Variants in FHOD3 observed in about 807,000 individuals in gnomAD.
FHOD3 encodes FH1/FH2 domain-containing protein 3.
Under a neutral mutation model 173.0 loss-of-function variants are expected in FHOD3, and 90 were observed. That is an observed-to-expected ratio of 0.52 (90% CI 0.44 to 0.62). The LOEUF (loss-of-function observed/expected upper bound fraction) is 0.62. FHOD3 is among the 20% of genes least tolerant of loss of function. The probability of loss-of-function intolerance (pLI) is 0.00; values close to 1 mark genes in which losing one functional copy is unlikely to be tolerated. For missense variants in FHOD3, 1,945 were observed against 2,034.7 expected (o/e 0.96, Z 0.85); for synonymous variants, 828 against 823.0 (o/e 1.01, Z -0.10).
At chr18:36,495,556 C>T (rs1042534471) in intron 3 of FHOD3, among the ~76,000 whole-genome samples, 1 of 152,222 alleles carries the variant, frequency 6.6e-6, no homozygotes, top group African/African-American at 2.4e-5. Flanking sequence ...CCCCCTTCTG[C>T]ACCACATGTG....
chr18:36,512,288 C>T, intron 4 of FHOD3, 150 bp from the exon 5 acceptor site: 1 of 643,420 alleles, frequency 1.6e-6, no homozygotes, highest in Non-Finnish European at 2.8e-6. Context: ...ATTCTTTTGG[C>T]AACAGTTGAT....
At chr18:36,604,485 A>G (rs2031831039) in intron 8 of FHOD3, among the ~76,000 whole-genome samples, 1 of 152,216 alleles carries the variant, frequency 6.6e-6, no homozygotes, top group South Asian at 2.1e-4. Context: ...AACAGACCTC[A>G]GTGTATAGAA....
rs375517921 is a variant in FHOD3, at chr18:36,651,063, C to T, written c.1287-1507C>T. 1.2e-3 allele frequency among the ~76,000 whole-genome samples: 186 copies of T among 152,228 alleles called. 3 individuals are homozygous for T. In the South Asian group the frequency reaches 0.036, roughly 29 times the overall value. On this transcript the variant is annotated intron_variant, in intron 11 of 28. Transcript: ENST00000590592. ...GTTCTCTGGCGTAAACTTCTGAGAC[C>T]GTAAAGGATTTCCCCTTCCTTCTGT...
chr18:36,304,844 A>T (rs2092049478), intron 1 of FHOD3, among the ~76,000 whole-genome samples: 1 of 152,238 alleles, frequency 6.6e-6, no homozygotes, highest in Non-Finnish European at 1.5e-5. Context: ...TGATAACAAT[A>T]TATAAAGGCA....
chr18:36,390,401 T>C (rs2048242704), intron 3 of FHOD3, among the ~76,000 whole-genome samples: 1 of 152,162 alleles, frequency 6.6e-6, no homozygotes, highest in Non-Finnish European at 1.5e-5. Context: ...GAGTCTAAAA[T>C]AAAATGTGAC....
chr18:36,510,887 C>T (rs954374517), intron 4 of FHOD3, among the ~76,000 whole-genome samples: 2 of 152,162 alleles, frequency 1.3e-5, no homozygotes, highest in African/African-American at 2.4e-5. Flanking sequence ...CCCTTCCCCC[C>T]AGGTCAGCTC....
At chr18:36,418,241 A>G (rs2147024086) in intron 3 of FHOD3, among the ~76,000 whole-genome samples, 1 of 152,334 alleles carries the variant, frequency 6.6e-6, no homozygotes, top group African/African-American at 2.4e-5. Context: ...TGATCTGAGT[A>G]TAGATGTCCA....
rs10221358 is a variant in FHOD3, at chr18:36,509,566, A to G, written c.406-2872A>G. ...TTTAAGAAGAGTTCCTGTAGTTTAGAGATACATATTGGAATGTTTATGAAT... is the reference window on the plus strand; with the variant it reads ...TTTAAGAAGAGTTCCTGTAGTTTAGGGATACATATTGGAATGTTTATGAAT... On this transcript the variant is annotated intron_variant, in intron 4 of 28. Coordinates refer to ENST00000590592, the MANE Select transcript of FHOD3 (RefSeq NM_001281740.3). Among the ~76,000 whole-genome samples the G allele has an allele frequency of 7.5e-3, 1,143 of 152,242 alleles. 15 individuals are homozygous for G. The highest frequency in any genetic ancestry group is 0.026 in the African/African-American group (1,092 of 41,524).
At chr18:36,355,123 T>A (rs1347171599) in intron 1 of FHOD3, among the ~76,000 whole-genome samples, 1 of 152,224 alleles carries the variant, frequency 6.6e-6, no homozygotes, top group East Asian at 1.9e-4. Context: ...GGCTCCTCAC[T>A]GAATCAAAGG....
intron 1 of FHOD3, among the ~76,000 whole-genome samples, chr18:36,342,018 A>G (rs1440333746): frequency 6.6e-6 from 1 of 152,232 alleles, no homozygotes; most frequent in African/African-American, 2.4e-5. Context: ...AATTTTAACA[A>G]AACAAAATAG....
At chr18:36,380,563 T>TTTCC (rs1568196019) in intron 3 of FHOD3, among the ~76,000 whole-genome samples, 128 of 86,632 alleles carry the variant, frequency 1.5e-3, no homozygotes, top group Non-Finnish European at 1.9e-3. Context: ...TTTTCTTTTC[T>TTTCC]TTTCTTTTCT....
chr18:36,689,991 A>T (rs906956600), intron 16 of FHOD3, among the ~76,000 whole-genome samples: 5 of 152,108 alleles, frequency 3.3e-5, no homozygotes, highest in African/African-American at 9.7e-5. Context: ...GTCATCAGTA[A>T]GTAGGTCTAG....
chr18:36,362,588 G>T (rs1467964016), intron 2 of FHOD3, among the ~76,000 whole-genome samples: 4 of 152,164 alleles, frequency 2.6e-5, no homozygotes, highest in Non-Finnish European at 1.5e-5. Context: ...ATTCCTTGGA[G>T]GGAGCTACAG....
At chr18:36,705,759 C>T (rs2149629240) in intron 17 of FHOD3, among the ~76,000 whole-genome samples, 1 of 152,262 alleles carries the variant, frequency 6.6e-6, no homozygotes, top group East Asian at 1.9e-4. Context: ...AAGTTGTAAA[C>T]ATTCCTAGGA....
At chr18:36,400,576 GAGA>G (rs2048757772) in intron 3 of FHOD3, among the ~76,000 whole-genome samples, 1 of 152,254 alleles carries the variant, frequency 6.6e-6, no homozygotes, top group Non-Finnish European at 1.5e-5. Context: ...TGAGCGGTCT[GAGA>G]AGGAGACTGT....
At chr18:36,490,811 A>G (rs894802615) in intron 3 of FHOD3, among the ~76,000 whole-genome samples, 3 of 152,208 alleles carry the variant, frequency 2.0e-5, no homozygotes, top group Non-Finnish European at 2.9e-5. Flanking sequence ...AAAGAAGGAA[A>G]GACAGGAGGA....
chr18:36,508,304 C>G (rs1432877757), intron 4 of FHOD3, among the ~76,000 whole-genome samples: 1 of 150,394 alleles, frequency 6.6e-6, no homozygotes, highest in Non-Finnish European at 1.5e-5. Context: ...AAGCAATAAT[C>G]AATTCATTAG....
At chr18:36,728,451 T>C (rs966983750) in intron 19 of FHOD3, among the ~76,000 whole-genome samples, 1 of 152,184 alleles carries the variant, frequency 6.6e-6, no homozygotes, top group African/African-American at 2.4e-5. Context: ...ACAGAACACT[T>C]TCCCTGAAGA....
chr18:36,722,079 A>G lies in FHOD3; in HGVS notation c.3417+3364A>G, dbSNP rs1489587376. Among the ~76,000 whole-genome samples the G allele has an allele frequency of 2.0e-5, 3 of 152,182 alleles. No homozygotes were observed. The East Asian group carries it at 5.8e-4, about 29-fold the overall frequency. On this transcript the variant is annotated intron_variant, in intron 19 of 28. Coordinates refer to ENST00000590592, the MANE Select transcript of FHOD3 (RefSeq NM_001281740.3). ...CTTTCAAAATAGTTTCTGGAATTGGATCAATTTTTCTCTATCAGCTGGAAT... is the reference window on the plus strand; with the variant it reads ...CTTTCAAAATAGTTTCTGGAATTGGGTCAATTTTTCTCTATCAGCTGGAAT...
Sources: allele counts gnomAD v4.1 joint callset (sites outside exome capture counted in the v4.1 genomes callset), GRCh38; gene constraint gnomAD v4.1.1; transcripts MANE v1.5; gene names NCBI Gene and HGNC (gene_info 2026-07-23, HGNC 2026-07-21).